The following ATF7IP2 variants were observed in gnomAD, a reference collection of about 807,000 sequenced individuals.
The protein encoded by ATF7IP2 is activating transcription factor 7-interacting protein 2.
Under a neutral mutation model 64.2 loss-of-function variants are expected in ATF7IP2, and 42 were observed. That is an observed-to-expected ratio of 0.65 (90% CI 0.51 to 0.85). ATF7IP2 has a LOEUF of 0.85. Ranked by LOEUF, ATF7IP2 falls within the 40% of genes least tolerant of loss-of-function variation. ATF7IP2 has a pLI of 0.00. For missense variants in ATF7IP2, 933 were observed against 784.2 expected, an observed-to-expected ratio of 1.19 and a Z score of -2.27; for synonymous variants, 308 against 272.8, an observed-to-expected ratio of 1.13 and a Z score of -1.27.
intron 12 of ATF7IP2, among the ~76,000 whole-genome samples, chr16:10,474,589 T>C (rs1479048370): frequency 6.6e-6 from 1 of 152,020 alleles, no homozygotes. Context: ...TTCACAGATT[T>C]AAGGAAAAAG....
rs540503599 is a variant in ATF7IP2, at chr16:10,479,658, TA to T, written c.1550-1210del. On this transcript the variant is annotated intron_variant, in intron 12 of 13. Transcript: ENST00000562102. The stretch of plus-strand genomic sequence containing the variant: ...CTAAAACTTAAAGTATAATAATAAT[TA>T]AAAAAAAAAAGTGGGCAAAGGACAT... Among the ~76,000 whole-genome samples, 115 of 142,318 alleles carry T rather than the reference TA, an allele frequency of 8.1e-4. 1 individual carries two copies. The highest frequency in any genetic ancestry group is 2.8e-3 in the East Asian group (14 of 4,952). The allele number at this position is 142,318 out of a possible 152,430, so 93.4% of individuals were successfully genotyped here.
At chr16:10,429,848 TTTTTA>T (rs1161805607) in intron 4 of ATF7IP2, among the ~76,000 whole-genome samples, 7 of 150,248 alleles carry the variant, frequency 4.7e-5, no homozygotes, top group African/African-American at 1.7e-4. Context: ...TTTTATTTTA[TTTTTA>T]TTTTATTTTA....
At chr16:10,478,097 C>T (rs897562349) in intron 12 of ATF7IP2, among the ~76,000 whole-genome samples, 2 of 151,036 alleles carry the variant, frequency 1.3e-5, no homozygotes, top group Non-Finnish European at 2.9e-5. Context: ...TTTATAGATT[C>T]AATGCCATCC....
At chr16:10,418,452 G>A (rs1288591177) in intron 2 of ATF7IP2, among the ~76,000 whole-genome samples, 2 of 152,190 alleles carry the variant, frequency 1.3e-5, no homozygotes, top group Non-Finnish European at 2.9e-5. Flanking sequence ...GACGATAGAA[G>A]CAAAGGCGGC....
chr16:10,416,176 A>G (rs1274582088), intron 2 of ATF7IP2, among the ~76,000 whole-genome samples: 2 of 152,244 alleles, frequency 1.3e-5, no homozygotes, highest in Admixed American at 6.5e-5. Flanking sequence ...ACTGTTCACA[A>G]TAGCCAAGAT....
chr16:10,391,019 G>A (rs2047310615), intron 1 of ATF7IP2, among the ~76,000 whole-genome samples: 1 of 151,656 alleles, frequency 6.6e-6, no homozygotes, highest in African/African-American at 2.4e-5. Context: ...TTAGCTGGGT[G>A]CAGTAGCATG....
chr16:10,439,811 G>A (rs944056749), intron 7 of ATF7IP2, among the ~76,000 whole-genome samples: 1 of 151,510 alleles, frequency 6.6e-6, no homozygotes, highest in Admixed American at 6.6e-5. Context: ...TGGAATTACA[G>A]GCGTGAGCCA....
At chr16:10,391,818 C>T (rs1167310004) in intron 1 of ATF7IP2, among the ~76,000 whole-genome samples, 1 of 151,740 alleles carries the variant, frequency 6.6e-6, no homozygotes, top group Non-Finnish European at 1.5e-5. Flanking sequence ...ATTGCTTAAA[C>T]CCGGGAGGTG....
intron 9 of ATF7IP2, among the ~76,000 whole-genome samples, chr16:10,466,751 G>A (rs185102528): frequency 1.3e-5 from 2 of 151,884 alleles, no homozygotes; most frequent in Admixed American, 6.5e-5. Context: ...TTCCCTAATG[G>A]TGTCTTTATA....
At chr16:10,415,011 G>C (rs2047843516) in intron 2 of ATF7IP2, among the ~76,000 whole-genome samples, 1 of 152,160 alleles carries the variant, frequency 6.6e-6, no homozygotes. Context: ...CTTCATGTTT[G>C]TGGATTAGAA....
intron 9 of ATF7IP2, among the ~76,000 whole-genome samples, chr16:10,465,133 C>G (rs2049518279): frequency 6.6e-6 from 1 of 152,140 alleles, no homozygotes; most frequent in Non-Finnish European, 1.5e-5. Flanking sequence ...CCTGTCCATC[C>G]TACTCATTAT....
chr16:10,418,707 A>G (rs1053295502), intron 2 of ATF7IP2, among the ~76,000 whole-genome samples: 7 of 152,222 alleles, frequency 4.6e-5, no homozygotes, highest in African/African-American at 1.4e-4. Context: ...GCAATGTCCA[A>G]CGACAAGTTT....
In ATF7IP2 at chr16:10,457,466, C is replaced by G. The variant is rs763685143; in HGVS notation, c.1289C>G (p.Pro430Arg). The G allele has an allele frequency of 5.0e-6, 8 of 1,597,986 alleles. No homozygotes were observed. The highest frequency in any genetic ancestry group is 1.2e-5 in the South Asian group (1 of 86,314). Residue 430 changes from proline (P) to arginine (R), a missense_variant, in exon 9 of 14, where the codon CCT becomes CGT. By Grantham distance (103) the Pro-to-Arg change is moderately radical. Coordinates refer to ENST00000562102, the MANE Select transcript of ATF7IP2 (RefSeq NM_001393719.1). ...TCTGTGAATTATGAGCCTTCTAACC[C>G]TTCCGAAAAAGGAAGTAAAAAAATT... Reference protein sequence around the residue: ...KSSVNYEPSNPSEKGSKKINL... With the variant: ...KSSVNYEPSNRSEKGSKKINL...
chr16:10,474,394 C>G (rs1370511954), intron 12 of ATF7IP2, among the ~76,000 whole-genome samples: 1 of 152,092 alleles, frequency 6.6e-6, no homozygotes, highest in Non-Finnish European at 1.5e-5. Context: ...ATCATAATTT[C>G]TTTATTCATA....
intron 1 of ATF7IP2, among the ~76,000 whole-genome samples, chr16:10,398,455 T>G (rs1162020185): frequency 1.3e-5 from 2 of 152,210 alleles, no homozygotes; most frequent in Non-Finnish European, 2.9e-5. Context: ...TCCAGGAATC[T>G]TATTGGATAT....
At chr16:10,461,060 G>T (rs2049357908) in intron 9 of ATF7IP2, among the ~76,000 whole-genome samples, 1 of 152,132 alleles carries the variant, frequency 6.6e-6, no homozygotes, top group African/African-American at 2.4e-5. Flanking sequence ...CACAAAAGAG[G>T]AGTTCGAAAT....
At chr16:10,400,673 T>C (rs2047511709) in intron 1 of ATF7IP2, among the ~76,000 whole-genome samples, 1 of 152,204 alleles carries the variant, frequency 6.6e-6, no homozygotes. Flanking sequence ...CTATGTTCCT[T>C]CCTTTTTGTG....
At chr16:10,402,744 A>G (rs1207449453) in intron 1 of ATF7IP2, among the ~76,000 whole-genome samples, 1 of 152,090 alleles carries the variant, frequency 6.6e-6, no homozygotes, top group Non-Finnish European at 1.5e-5. Context: ...GATTACAGGC[A>G]TGCGTGACTA....
intron 8 of ATF7IP2, chr16:10,446,585 C>G (rs186059223): frequency 6.6e-6 from 1 of 152,166 alleles, no homozygotes; most frequent in Non-Finnish European, 1.5e-5. Context: ...CCTCATATGA[C>G]CCAAACTTTG....
Sources: allele counts gnomAD v4.1 joint callset (sites outside exome capture counted in the v4.1 genomes callset), GRCh38; gene constraint gnomAD v4.1.1; transcripts MANE v1.5; gene names NCBI Gene and HGNC (gene_info 2026-07-23, HGNC 2026-07-21).